The following PTK2 variants were observed in gnomAD, a reference collection of about 807,000 sequenced individuals.
PTK2 encodes the protein focal adhesion kinase 1.
PTK2 carries 45 observed loss-of-function variants against 150.1 expected under a neutral mutation model. The observed-to-expected ratio is 0.30, with a 90% CI of 0.24 to 0.38. PTK2 has a LOEUF of 0.38. PTK2 is among the 10% of genes least tolerant of loss of function. PTK2 has a pLI of 1.00. For synonymous variants in PTK2, 432 were observed against 449.2 expected (o/e 0.96, Z 0.48); for missense variants, 919 against 1,307.3 (o/e 0.70, Z 4.58).
intron 26 of PTK2, among the ~76,000 whole-genome samples, chr8:140,698,300 A>G (rs930908543): frequency 1.3e-5 from 2 of 152,218 alleles, no homozygotes; most frequent in African/African-American, 4.8e-5. Flanking sequence ...TATAATATCT[A>G]CTTTTAAAAA....
At chr8:140,691,101 G>A (rs2100022905) in intron 26 of PTK2, among the ~76,000 whole-genome samples, 1 of 151,812 alleles carries the variant, frequency 6.6e-6, no homozygotes, top group Non-Finnish European at 1.5e-5. Context: ...TCATAAATAG[G>A]CTGTAGATGA....
intron 1 of PTK2, among the ~76,000 whole-genome samples, chr8:140,983,054 T>C (rs1026676672): frequency 3.3e-5 from 5 of 152,174 alleles, no homozygotes; most frequent in Admixed American, 3.3e-4. Flanking sequence ...CCATCATCCT[T>C]ACTAGTGGCA....
chr8:140,901,312 G>A (rs377396395), intron 2 of PTK2, among the ~76,000 whole-genome samples: 3 of 152,148 alleles, frequency 2.0e-5, no homozygotes, highest in African/African-American at 7.2e-5. Flanking sequence ...TGAAACTATG[G>A]AATTACTGTA....
rs575037643 is a variant in PTK2, at chr8:140,923,946, T to C, written c.-33+1715A>G. Reference sequence around the variant, plus strand: ...ACACTCTATTCACAACCCTTCTGAGTTGTGCACTGATCCTTCCAAAACATC... The same window carrying C: ...ACACTCTATTCACAACCCTTCTGAGCTGTGCACTGATCCTTCCAAAACATC... On this transcript the variant is annotated intron_variant, in intron 2 of 31. Coordinates refer to ENST00000522684, the Ensembl canonical transcript of PTK2. Among the ~76,000 whole-genome samples the C allele has an allele frequency of 2.0e-5, 3 of 152,198 alleles. No homozygotes were observed. In the East Asian group the frequency reaches 5.8e-4, roughly 29 times the overall value.
chr8:140,718,686 A>G (rs1294999379), intron 22 of PTK2: 1 of 152,224 alleles, frequency 6.6e-6, no homozygotes, highest in Non-Finnish European at 1.5e-5. Context: ...AATTTGCTCA[A>G]CTGTTTAAAA....
At chr8:140,951,712 T>C (rs1423997309) in intron 1 of PTK2, among the ~76,000 whole-genome samples, 2 of 151,954 alleles carry the variant, frequency 1.3e-5, no homozygotes, top group East Asian at 1.9e-4. Flanking sequence ...GGAAGATTCA[T>C]CTCTACAAAA....
chr8:140,732,866 G>A (rs537660631), intron 22 of PTK2, among the ~76,000 whole-genome samples: 1 of 152,260 alleles, frequency 6.6e-6, no homozygotes, highest in East Asian at 1.9e-4. Context: ...GAAAGAAGCC[G>A]AGAAAGATGG....
intron 2 of PTK2, among the ~76,000 whole-genome samples, chr8:140,895,771 C>T (rs1048013643): frequency 5.9e-5 from 9 of 152,018 alleles, no homozygotes; most frequent in African/African-American, 2.2e-4. Flanking sequence ...ATGGATACCC[C>T]ATTTAGCCTG....
intron 22 of PTK2, 102 bp from the exon 26 acceptor site, chr8:140,717,811 AGAT>A (rs769766583): frequency 1.2e-6 from 1 of 848,476 alleles, no homozygotes; most frequent in South Asian, 1.4e-5. Flanking sequence ...GGCTAACAGT[AGAT>A]GATAACAATA....
intron 14 of PTK2, 51 bp from the exon 15 acceptor site, chr8:140,770,850 A>G: frequency 1.1e-6 from 1 of 930,662 alleles, no homozygotes; most frequent in Non-Finnish European, 1.4e-6. Flanking sequence ...AAATTATTTC[A>G]ATACAAAAGA....
intron 1 of PTK2, among the ~76,000 whole-genome samples, chr8:140,953,455 T>C (rs1380316981): frequency 6.6e-6 from 1 of 152,214 alleles, no homozygotes; most frequent in Admixed American, 6.5e-5. Context: ...CTAACTCAGA[T>C]GGCTACTAAG....
chr8:140,837,530 A>T (rs1210751988), intron 7 of PTK2, among the ~76,000 whole-genome samples: 1 of 151,954 alleles, frequency 6.6e-6, no homozygotes, highest in African/African-American at 2.4e-5. Flanking sequence ...GGCATTCAAG[A>T]CCAGCCTGGC....
intron 1 of PTK2, among the ~76,000 whole-genome samples, chr8:140,963,018 A>G (rs2100183912): frequency 6.6e-6 from 1 of 152,072 alleles, no homozygotes; most frequent in Admixed American, 6.6e-5. Flanking sequence ...AATGCATCCC[A>G]ATAAATACAT....
intron 2 of PTK2, chr8:140,920,946 C>A (rs2100167156): frequency 6.8e-7 from 1 of 1,461,708 alleles, no homozygotes; most frequent in Non-Finnish European, 8.9e-7. Flanking sequence ...AGCCAGGAGT[C>A]TGCACACAAA....
intron 22 of PTK2, chr8:140,734,712 G>A (rs1339937921): frequency 1.9e-6 from 1 of 517,226 alleles, no homozygotes; most frequent in Non-Finnish European, 3.9e-6. Flanking sequence ...AGGTGGCAAA[G>A]GAGTAATTCT....
intron 17 of PTK2, 29 bp from the exon 21 acceptor site, chr8:140,746,889 TTTC>T (rs1278414957): frequency 6.5e-6 from 9 of 1,378,826 alleles, no homozygotes; most frequent in South Asian, 2.7e-5. Flanking sequence ...ATAGTTATTC[TTTC>T]TTTTTTTTTT....
chr8:140,912,958 A>G (rs1334189865), intron 2 of PTK2, among the ~76,000 whole-genome samples: 1 of 152,090 alleles, frequency 6.6e-6, no homozygotes, highest in African/African-American at 2.4e-5. Context: ...AAAAAAGAAA[A>G]AAGAAAAAGG....
intron 1 of PTK2, among the ~76,000 whole-genome samples, chr8:140,934,280 C>T (rs1164575004): frequency 1.3e-5 from 2 of 152,034 alleles, no homozygotes; most frequent in Admixed American, 6.6e-5. Flanking sequence ...CAGTGTCATG[C>T]GCCTGTAGTC....
chr8:140,985,160 G>A (rs1333009630), intron 1 of PTK2, among the ~76,000 whole-genome samples: 1 of 151,970 alleles, frequency 6.6e-6, no homozygotes, highest in Non-Finnish European at 1.5e-5. Context: ...GTTTCAGTCT[G>A]TCACTCAGGC....
Sources: allele counts gnomAD v4.1 joint callset (sites outside exome capture counted in the v4.1 genomes callset), GRCh38; gene constraint gnomAD v4.1.1; transcripts MANE v1.5; gene names NCBI Gene and HGNC (gene_info 2026-07-23, HGNC 2026-07-21).